Variants in SASH1 observed in about 807,000 individuals in gnomAD.
SASH1 encodes SAM and SH3 domain containing 1.
A neutral mutation model predicts 125.2 loss-of-function variants in SASH1; 44 were observed. The observed-to-expected ratio is 0.35, with a 90% confidence interval of 0.28 to 0.45. The LOEUF (loss-of-function observed/expected upper bound fraction) is 0.45, where lower values mean the gene tolerates loss of function less well. SASH1 is among the 20% of genes least tolerant of loss of function. The pLI is 1.00. For missense variants in SASH1, 1,426 were observed against 1,614.5 expected (o/e 0.88, Z 2.00); for synonymous variants, 639 against 649.1 (o/e 0.98, Z 0.24).
At chr6:148,346,336 G>A (rs997460720) in intron 1 of SASH1, among the ~76,000 whole-genome samples, 2 of 152,144 alleles carry the variant, frequency 1.3e-5, no homozygotes, top group African/African-American at 4.8e-5. Context: ...GCACCAAATA[G>A]TTGCTTTCAG....
intron 1 of SASH1, among the ~76,000 whole-genome samples, chr6:148,362,032 G>C (rs1342431410): frequency 6.7e-6 from 1 of 148,286 alleles, no homozygotes; most frequent in Non-Finnish European, 1.5e-5. Flanking sequence ...TCCTGCCTCA[G>C]CCTCCCGAGT....
At chr6:148,445,712 AG>A (rs1776741160) in intron 4 of SASH1, among the ~76,000 whole-genome samples, 1 of 152,122 alleles carries the variant, frequency 6.6e-6, no homozygotes, top group Non-Finnish European at 1.5e-5. Flanking sequence ...CAGGGCGAAG[AG>A]AGGGAAGAAG....
intron 1 of SASH1, among the ~76,000 whole-genome samples, chr6:148,361,469 G>A (rs1272502200): frequency 6.6e-6 from 1 of 152,082 alleles, no homozygotes; most frequent in Non-Finnish European, 1.5e-5. Context: ...AGGCGTGGTG[G>A]TGCATGCCTG....
chr6:148,545,013 T>C (rs1782475092), intron 18 of SASH1, among the ~76,000 whole-genome samples, 195 bp downstream of exon 18: 1 of 152,114 alleles, frequency 6.6e-6, no homozygotes, highest in Non-Finnish European at 1.5e-5. Flanking sequence ...CATCTCTCCG[T>C]AGGTAAACCG....
chr6:148,284,333 G>T lies in SASH1; in HGVS notation n.74+11956G>T, dbSNP rs1375371317. ...ACACGCCTATAGTCCCAGCTACTCAGGAGGCTGAGGCATGAGAATCGCTTG... is the reference window on the plus strand; with the variant it reads ...ACACGCCTATAGTCCCAGCTACTCATGAGGCTGAGGCATGAGAATCGCTTG... On this transcript the variant is annotated intron_variant and non_coding_transcript_variant, in intron 1 of 3. Coordinates refer to the SASH1 transcript ENST00000367469. 2.0e-5 allele frequency among the ~76,000 whole-genome samples: 3 copies of T among 152,116 alleles called. No individual in the cohort carries two copies. In the East Asian group the frequency reaches 5.8e-4, roughly 29 times the overall value.
the SASH1 span, among the ~76,000 whole-genome samples, chr6:148,194,961 A>G: frequency 2.0e-5 from 3 of 152,242 alleles, no homozygotes; most frequent in Non-Finnish European, 4.4e-5. Flanking sequence ...TTATAATGCT[A>G]TATCTGAGCT....
chr6:148,390,443 CTGAG>C (rs1249734419), intron 2 of SASH1, among the ~76,000 whole-genome samples, 181 bp downstream of exon 2: 1 of 152,182 alleles, frequency 6.6e-6, no homozygotes, highest in East Asian at 1.9e-4. Context: ...AGATATCAAA[CTGAG>C]TGAGTGTTGG....
intron 2 of SASH1, among the ~76,000 whole-genome samples, chr6:148,394,969 C>T (rs1389128308): frequency 2.0e-5 from 3 of 152,114 alleles, no homozygotes; most frequent in African/African-American, 7.2e-5. Context: ...TTGTCAGCAG[C>T]CCTGTCAAAG....
At chr6:148,305,009 C>T (rs960769772) in intron 1 of SASH1, among the ~76,000 whole-genome samples, 8 of 152,126 alleles carry the variant, frequency 5.3e-5, no homozygotes, top group African/African-American at 9.7e-5. Context: ...CTAGCCTGGG[C>T]GATAGAGCGA....
chr6:148,199,570 C>T, the SASH1 span, among the ~76,000 whole-genome samples: 3 of 151,958 alleles, frequency 2.0e-5, no homozygotes, highest in Non-Finnish European at 1.5e-5. Context: ...TGATGGTGCA[C>T]ACCTGTAATT....
chr6:148,446,355 G>T (rs562681837), intron 4 of SASH1, among the ~76,000 whole-genome samples: 1 of 152,084 alleles, frequency 6.6e-6, no homozygotes, highest in East Asian at 1.9e-4. Flanking sequence ...TGATCCGCCC[G>T]CCTTGGCCTC....
intron 19 of SASH1, 64 bp from the exon 20 acceptor site, chr6:148,548,231 T>TA: frequency 1.1e-5 from 16 of 1,446,178 alleles, no homozygotes; most frequent in Non-Finnish European, 1.5e-5. Flanking sequence ...CTTTTAGACA[T>TA]ACGCGAAGTA....
At chr6:148,393,470 C>T (rs1783817943) in intron 2 of SASH1, among the ~76,000 whole-genome samples, 1 of 152,014 alleles carries the variant, frequency 6.6e-6, no homozygotes, top group Non-Finnish European at 1.5e-5. Context: ...GAAGACAGAC[C>T]ACTGACACAA....
rs1782801544 is a variant in SASH1, at chr6:148,550,031, A to G, written c.*1473A>G. 6.6e-6 allele frequency: 1 copy of G among 152,466 alleles called. No individual in the cohort carries two copies. The highest frequency in any genetic ancestry group is 2.4e-5 in the African/African-American group (1 of 41,390). The allele number at this position is 152,466 out of a possible 1,614,324, so 9.4% of individuals were successfully genotyped here. A position where few individuals can be genotyped will look rare whatever the true frequency, so the allele number is the denominator to read the frequency against. ...CACCATGTTGGCCAGGCTGGTCTCA[A>G]ACTCAACTCCTGACCTCAGGTGGTC... On this transcript the variant is annotated 3_prime_UTR_variant, in exon 20 of 20. Transcript: ENST00000367467.
intron 19 of SASH1, among the ~76,000 whole-genome samples, chr6:148,548,044 C>T (rs1007971448): frequency 2.0e-5 from 3 of 152,188 alleles, no homozygotes; most frequent in African/African-American, 2.4e-5. Context: ...TTTGAAGACT[C>T]GGACACATAA....
chr6:148,374,046 G>A (rs1417888136), intron 1 of SASH1, among the ~76,000 whole-genome samples: 2 of 152,146 alleles, frequency 1.3e-5, no homozygotes, highest in Non-Finnish European at 1.5e-5. Flanking sequence ...GGAAACACAC[G>A]GTCCATCCTG....
intron 4 of SASH1, among the ~76,000 whole-genome samples, chr6:148,449,080 T>TTTTTTTTTTTTTTTTTTTTC (rs1776959402): frequency 1.8e-5 from 2 of 112,064 alleles, no homozygotes; most frequent in Admixed American, 8.8e-5. Context: ...TTTCATTTCT[T>TTTTTTTTTTTTTTTTTTTTC]TTTTTTTTTT....
At chr6:148,436,627 G>A (rs1216203434) in intron 2 of SASH1, among the ~76,000 whole-genome samples, 2 of 152,232 alleles carry the variant, frequency 1.3e-5, no homozygotes, top group Non-Finnish European at 2.9e-5. Context: ...GGAAGCCTCA[G>A]CAACCCGTGC....
chr6:148,519,925 A>C lies in SASH1; in HGVS notation c.1209+32A>C. 1 of 1,460,642 alleles carries C rather than the reference A, an allele frequency of 6.8e-7. No individual in the cohort carries two copies. The highest frequency in any genetic ancestry group is 9.2e-7 in the Non-Finnish European group (1 of 1,086,890). The allele number at this position is 1,460,642 out of a possible 1,614,324, so 90.5% of individuals were successfully genotyped here. On this transcript the variant is annotated intron_variant, in intron 10 of 19. Transcript: ENST00000367467. This position sits in a 1 kb window ranked among gnomAD's most constrained non-coding sequence, Gnocchi z 4.8. ...ACGGATGGTGTTTGCTTCTATGACAACCACCGTCGCAGGCACCACCTTCTG... is the reference window on the plus strand; with the variant it reads ...ACGGATGGTGTTTGCTTCTATGACACCCACCGTCGCAGGCACCACCTTCTG...
Sources: allele counts gnomAD v4.1 joint callset (sites outside exome capture counted in the v4.1 genomes callset), GRCh38; gene constraint gnomAD v4.1.1; non-coding constraint Gnocchi (gnomAD v3.1); transcripts MANE v1.5; gene names NCBI Gene and HGNC (gene_info 2026-07-23, HGNC 2026-07-21).